Variants in CDK6 observed in about 807,000 individuals in gnomAD.
CDK6 encodes cyclin-dependent kinase 6.
In CDK6, 6 loss-of-function variants were observed where a neutral mutation model predicts 37.1. The observed-to-expected ratio is 0.16, with a 90% CI of 0.09 to 0.32. CDK6 has a LOEUF of 0.32. Among genes scored for constraint, CDK6 ranks in the 10% least tolerant of loss-of-function variants. CDK6 has a pLI of 1.00. For missense variants in CDK6, 224 were observed against 418.9 expected, an observed-to-expected ratio of 0.53 and a Z score of 4.06; for synonymous variants, 160 against 161.3, an observed-to-expected ratio of 0.99 and a Z score of 0.06.
At chr7:92,796,721 A>G (rs973692851) in intron 2 of CDK6, among the ~76,000 whole-genome samples, 21 of 152,180 alleles carry the variant, frequency 1.4e-4, no homozygotes, top group African/African-American at 3.9e-4. Flanking sequence ...GTAACTGTTT[A>G]ATCATAGAGG....
At chr7:92,669,193 A>G (rs949784978) in intron 5 of CDK6, among the ~76,000 whole-genome samples, 1 of 152,212 alleles carries the variant, frequency 6.6e-6, no homozygotes, top group Admixed American at 6.5e-5. Context: ...CACAGAAGAA[A>G]AAATTTTGAT....
At position 92,609,843 on chromosome 7, in the gene CDK6, T is replaced by C. The variant is rs2116465767; in HGVS notation, c.*5297A>G. On this transcript the variant is annotated 3_prime_UTR_variant, in exon 8 of 8. Transcript: ENST00000424848. The stretch of plus-strand genomic sequence containing the variant: ...CTTGACTGAATGAATGACTAGGCTT[T>C]CTTTACTTAAATGATCAAAATGGGT... 1 of 230,588 alleles carries C rather than the reference T, an allele frequency of 4.3e-6. No homozygotes were observed. Among genetic ancestry groups the C allele is most frequent in the South Asian group, 1.8e-4 (1 of 5,498 alleles). The allele number at this position is 230,588 out of a possible 1,614,324, so 14.3% of individuals were successfully genotyped here.
chr7:92,701,006 C>T (rs193149540), intron 4 of CDK6, among the ~76,000 whole-genome samples: 4 of 152,344 alleles, frequency 2.6e-5, no homozygotes, highest in African/African-American at 7.2e-5. Flanking sequence ...AGGCAGACGA[C>T]AGAGACAACT....
intron 5 of CDK6, among the ~76,000 whole-genome samples, chr7:92,665,288 C>T (rs1254039135): frequency 1.3e-5 from 2 of 152,106 alleles, no homozygotes; most frequent in East Asian, 3.8e-4. Context: ...TCCATCCATC[C>T]ATCCATCCAT....
intron 2 of CDK6, among the ~76,000 whole-genome samples, chr7:92,803,739 GA>G (rs1404076884): frequency 2.0e-5 from 3 of 152,062 alleles, no homozygotes; most frequent in Non-Finnish European, 4.4e-5. Context: ...ACGAGAGAGA[GA>G]AAAAAGTTAC....
At chr7:92,793,835 G>A (rs571791123) in intron 2 of CDK6, among the ~76,000 whole-genome samples, 1 of 152,170 alleles carries the variant, frequency 6.6e-6, no homozygotes, top group Admixed American at 6.6e-5. Context: ...TAGATTAGTG[G>A]CTGCCTAAGG....
intron 4 of CDK6, among the ~76,000 whole-genome samples, chr7:92,695,621 T>C (rs1309676271): frequency 2.6e-5 from 4 of 152,204 alleles, no homozygotes; most frequent in African/African-American, 7.2e-5. Context: ...AACAGAGACA[T>C]GTTCTCTGGG....
At chr7:92,739,744 C>T (rs1364130979) in intron 3 of CDK6, among the ~76,000 whole-genome samples, 4 of 152,090 alleles carry the variant, frequency 2.6e-5, no homozygotes, top group African/African-American at 9.7e-5. Context: ...TTCTCCACTG[C>T]ACTAAGTGGT....
At chr7:92,829,830 G>A (rs1044918366) in intron 2 of CDK6, among the ~76,000 whole-genome samples, 1 of 152,140 alleles carries the variant, frequency 6.6e-6, no homozygotes, top group Non-Finnish European at 1.5e-5. Context: ...ACAAAACAAG[G>A]CAATTAAAAC....
intron 3 of CDK6, among the ~76,000 whole-genome samples, chr7:92,737,026 G>A (rs1237949819): frequency 2.0e-5 from 3 of 152,152 alleles, no homozygotes; most frequent in Non-Finnish European, 4.4e-5. Flanking sequence ...CCCTCCGCTA[G>A]CATCTAACCT....
At chr7:92,781,394 C>T (rs1021153065) in intron 2 of CDK6, among the ~76,000 whole-genome samples, 3 of 152,226 alleles carry the variant, frequency 2.0e-5, no homozygotes, top group Non-Finnish European at 4.4e-5. Context: ...CTGCATCCTA[C>T]CCATTGTAAT....
chr7:92,808,885 T>C (rs2115931499), intron 2 of CDK6, among the ~76,000 whole-genome samples: 1 of 152,328 alleles, frequency 6.6e-6, no homozygotes, highest in East Asian at 1.9e-4. Flanking sequence ...TTGTTTGGAT[T>C]ACATGTGCAA....
At chr7:92,660,545 G>A (rs1486692458) in intron 5 of CDK6, among the ~76,000 whole-genome samples, 1 of 152,150 alleles carries the variant, frequency 6.6e-6, no homozygotes, top group Non-Finnish European at 1.5e-5. Context: ...ACCAGTCTTA[G>A]CAAGATTTTG....
intron 5 of CDK6, among the ~76,000 whole-genome samples, chr7:92,627,939 A>T (rs1037907070): frequency 1.3e-5 from 2 of 152,052 alleles, no homozygotes; most frequent in African/African-American, 4.8e-5. Context: ...ATTAAAAAAA[A>T]AACTGCTAGG....
At chr7:92,777,473 T>C (rs914765274) in intron 2 of CDK6, among the ~76,000 whole-genome samples, 5 of 152,252 alleles carry the variant, frequency 3.3e-5, no homozygotes, top group African/African-American at 1.2e-4. Context: ...CTCAAACTCC[T>C]GACCTTAGGT....
chr7:92,830,052 A>G (rs1801435270), intron 2 of CDK6, among the ~76,000 whole-genome samples: 1 of 152,204 alleles, frequency 6.6e-6, no homozygotes, highest in African/African-American at 2.4e-5. Flanking sequence ...TTTTTAGTTC[A>G]GGCTGTTCAA....
chr7:92,655,008 C>T (rs1385706321), intron 5 of CDK6, among the ~76,000 whole-genome samples: 1 of 137,538 alleles, frequency 7.3e-6, no homozygotes, highest in Non-Finnish European at 1.6e-5. Flanking sequence ...ATGCCTGGAT[C>T]ATTTTTTTTT....
intron 2 of CDK6, 136 bp downstream of exon 2, chr7:92,832,955 C>G (rs1801529515): frequency 1.5e-5 from 10 of 649,204 alleles, no homozygotes; most frequent in Non-Finnish European, 2.1e-5. Context: ...AACTCTCACT[C>G]TGTAAGACCA....
intron 5 of CDK6, among the ~76,000 whole-genome samples, chr7:92,630,322 C>T (rs1796023068): frequency 7.0e-6 from 1 of 143,012 alleles, no homozygotes; most frequent in African/African-American, 2.6e-5. Flanking sequence ...CTTCCAAAGC[C>T]TCCCTTATCT....
Sources: gnomAD v4.1 joint callset for allele counts (sites outside exome capture counted in the v4.1 genomes callset) on GRCh38, gnomAD v4.1.1 for gene constraint, MANE v1.5 for transcripts, NCBI Gene and HGNC (gene_info 2026-07-23, HGNC 2026-07-21) for gene names.